The following TOX variants were observed in gnomAD, a reference collection of about 807,000 sequenced individuals.
The protein encoded by TOX is thymocyte selection-associated high mobility group box protein TOX.
In TOX, 11 loss-of-function variants were observed where a neutral mutation model predicts 53.7. The ratio of observed to expected loss-of-function variants is 0.20; its 90% CI spans 0.13 to 0.34. The LOEUF is 0.34. Ranked by LOEUF, TOX falls within the 10% of genes least tolerant of loss-of-function variation. The probability of loss-of-function intolerance (pLI) is 1.00; values close to 1 mark genes in which losing one functional copy is unlikely to be tolerated. For missense variants in TOX, 570 were observed against 664.6 expected (o/e 0.86, Z 1.56); for synonymous variants, 225 against 245.3 (o/e 0.92, Z 0.77).
chr8:59,110,509 G>A (rs1013281284), intron 1 of TOX, among the ~76,000 whole-genome samples: 4 of 152,082 alleles, frequency 2.6e-5, no homozygotes, highest in Non-Finnish European at 5.9e-5. Context: ...TGGCCCATTC[G>A]TTAATTAATC....
intron 1 of TOX, among the ~76,000 whole-genome samples, chr8:59,011,495 C>A (rs1044946905): frequency 8.5e-5 from 13 of 152,206 alleles, no homozygotes; most frequent in African/African-American, 3.1e-4. Flanking sequence ...ACATGGCAGT[C>A]TCAGTTGCAA....
chr8:59,084,940 A>G (rs556740649), intron 1 of TOX, among the ~76,000 whole-genome samples: 50 of 152,370 alleles, frequency 3.3e-4, no homozygotes, highest in African/African-American at 1.1e-3. Context: ...TATAAATGAA[A>G]TGGATATATC....
intron 5 of TOX, among the ~76,000 whole-genome samples, chr8:58,835,828 C>T (rs1462855865): frequency 6.6e-6 from 1 of 151,972 alleles, no homozygotes; most frequent in African/African-American, 2.4e-5. Flanking sequence ...GCAGAGCAGG[C>T]GATTGATGTT....
intron 1 of TOX, among the ~76,000 whole-genome samples, chr8:59,062,046 T>A (rs1803995322): frequency 6.6e-6 from 1 of 152,152 alleles, no homozygotes. Flanking sequence ...CATTTTGGGA[T>A]CTCCAGTGTG....
intron 3 of TOX, among the ~76,000 whole-genome samples, chr8:58,856,586 T>C (rs1291701221): frequency 6.6e-6 from 1 of 152,162 alleles, no homozygotes; most frequent in Non-Finnish European, 1.5e-5. Flanking sequence ...CCTACACTCA[T>C]TTTCCTTTTG....
intron 3 of TOX, among the ~76,000 whole-genome samples, chr8:58,896,402 G>A (rs867279699): frequency 6.6e-6 from 1 of 152,162 alleles, no homozygotes; most frequent in African/African-American, 2.4e-5. Flanking sequence ...TCCTGGCCCG[G>A]TGCAGTGGCT....
At chr8:58,969,614 G>C (rs994001055) in intron 1 of TOX, among the ~76,000 whole-genome samples, 1 of 151,924 alleles carries the variant, frequency 6.6e-6, no homozygotes, top group African/African-American at 2.4e-5. Flanking sequence ...TCACACATAA[G>C]ATGTCCCCTT....
At chr8:58,879,851 A>C (rs1440048287) in intron 3 of TOX, among the ~76,000 whole-genome samples, 1 of 152,220 alleles carries the variant, frequency 6.6e-6, no homozygotes, top group Non-Finnish European at 1.5e-5. Context: ...AAGAATTAAA[A>C]AAAATATTTT....
chr8:59,014,527 C>T (rs1384096626), intron 1 of TOX, among the ~76,000 whole-genome samples: 3 of 152,166 alleles, frequency 2.0e-5, no homozygotes, highest in Non-Finnish European at 4.4e-5. Context: ...AGCTTCCTAT[C>T]GGCAGACAAA....
intron 3 of TOX, among the ~76,000 whole-genome samples, chr8:58,873,296 T>C (rs1811227413): frequency 6.6e-6 from 1 of 152,166 alleles, no homozygotes. Flanking sequence ...GATGATACTT[T>C]AAAAGATTAT....
intron 1 of TOX, among the ~76,000 whole-genome samples, chr8:59,036,028 C>T (rs933741542): frequency 6.6e-6 from 1 of 152,232 alleles, no homozygotes; most frequent in African/African-American, 2.4e-5. Flanking sequence ...CCTGCTGGCC[C>T]AGGCACTAAC....
chr8:58,970,110 T>C (rs1812975923), intron 1 of TOX, among the ~76,000 whole-genome samples: 2 of 152,348 alleles, frequency 1.3e-5, no homozygotes, highest in South Asian at 2.1e-4. Flanking sequence ...CCTACTTATA[T>C]GCCAGGTACA....
chr8:58,812,171 G>A (rs1810089937), intron 7 of TOX, among the ~76,000 whole-genome samples: 1 of 152,116 alleles, frequency 6.6e-6, no homozygotes. Context: ...CTGATGACTC[G>A]GATGTGGGCC....
intron 2 of TOX, among the ~76,000 whole-genome samples, chr8:58,952,618 C>G (rs1242976548): frequency 2.0e-5 from 3 of 152,204 alleles, no homozygotes; most frequent in Admixed American, 6.5e-5. Flanking sequence ...GCTGGCATCA[C>G]TTGACATCTG....
At chr8:58,923,303 G>C (rs1254676728) in intron 3 of TOX, among the ~76,000 whole-genome samples, 1 of 152,146 alleles carries the variant, frequency 6.6e-6, no homozygotes, top group Non-Finnish European at 1.5e-5. Context: ...AGAAGGAAGC[G>C]ATGAGGGCAG....
At chr8:59,056,208 T>C (rs1477451836) in intron 1 of TOX, among the ~76,000 whole-genome samples, 1 of 151,908 alleles carries the variant, frequency 6.6e-6, no homozygotes, top group African/African-American at 2.4e-5. Flanking sequence ...GGAGAATTGC[T>C]TGAGCCTAGG....
intron 3 of TOX, among the ~76,000 whole-genome samples, chr8:58,910,733 A>C (rs1285737481): frequency 2.6e-5 from 4 of 152,230 alleles, no homozygotes; most frequent in Non-Finnish European, 5.9e-5. Flanking sequence ...ACTCTCTCCA[A>C]GGCACAAAGA....
intron 1 of TOX, among the ~76,000 whole-genome samples, chr8:59,092,298 T>C (rs1264599254): frequency 8.8e-6 from 1 of 113,666 alleles, no homozygotes. Context: ...ATACATTATA[T>C]ATATTATATA....
intron 3 of TOX, among the ~76,000 whole-genome samples, chr8:58,924,112 C>T (rs554500640): frequency 2.6e-5 from 4 of 152,232 alleles, no homozygotes; most frequent in East Asian, 1.9e-4. Context: ...ACAGTAATTT[C>T]GGCTGTGTTC....
Sources: gnomAD v4.1 joint callset for allele counts (sites outside exome capture counted in the v4.1 genomes callset) on GRCh38, gnomAD v4.1.1 for gene constraint, MANE v1.5 for transcripts, NCBI Gene and HGNC (gene_info 2026-07-23, HGNC 2026-07-21) for gene names.